The following CSMD3 variants were observed in gnomAD, a reference collection of about 807,000 sequenced individuals.
CSMD3 encodes CUB and sushi domain-containing protein 3.
In CSMD3, 177 loss-of-function variants were observed where a neutral mutation model predicts 435.2. The observed-to-expected ratio is 0.41, with a 90% CI of 0.36 to 0.46. The LOEUF (loss-of-function observed/expected upper bound fraction) is 0.46, where lower values mean the gene tolerates loss of function less well. CSMD3 is among the 20% of genes least tolerant of loss of function. CSMD3 has a pLI of 0.34. For synonymous variants in CSMD3, 1,656 were observed against 1,520.5 expected (o/e 1.09, Z -2.07); for missense variants, 4,265 against 4,504.6 (o/e 0.95, Z 1.52).
At chr8:112,827,358 G>C (rs1180228940) in intron 12 of CSMD3, among the ~76,000 whole-genome samples, 1 of 151,228 alleles carries the variant, frequency 6.6e-6, no homozygotes, top group Non-Finnish European at 1.5e-5. Flanking sequence ...TGCTGAGATG[G>C]AAGTTTTTTT....
chr8:112,424,143 T>C (rs1191019255), intron 32 of CSMD3, among the ~76,000 whole-genome samples: 2 of 152,092 alleles, frequency 1.3e-5, no homozygotes, highest in Non-Finnish European at 1.5e-5. Context: ...GGAGCTAAAA[T>C]AGCATCACCT....
chr8:112,854,893 A>G (rs2080603019), intron 11 of CSMD3, among the ~76,000 whole-genome samples: 1 of 152,108 alleles, frequency 6.6e-6, no homozygotes, highest in Non-Finnish European at 1.5e-5. Context: ...CTCCACACAG[A>G]GCAATCCAAT....
intron 32 of CSMD3, among the ~76,000 whole-genome samples, chr8:112,419,897 T>C (rs901672603): frequency 6.6e-6 from 1 of 152,116 alleles, no homozygotes; most frequent in African/African-American, 2.4e-5. Flanking sequence ...AAAAACACAA[T>C]AAGCGATTCC....
Position 113,034,549 on chromosome 8 carries a change from G to C in CSMD3, c.918-15370C>G, listed in dbSNP as rs1307002131. On this transcript the variant is annotated intron_variant, in intron 5 of 70. Coordinates refer to ENST00000297405, the MANE Select transcript of CSMD3 (RefSeq NM_198123.2). ...CTCCTGCTGTTGGTGGTGGAGATGGGGAGTTACTGCTAGTGAGTGTATGTT... is the reference window on the plus strand; with the variant it reads ...CTCCTGCTGTTGGTGGTGGAGATGGCGAGTTACTGCTAGTGAGTGTATGTT... 3.9e-5 allele frequency among the ~76,000 whole-genome samples: 6 copies of C among 152,220 alleles called. No homozygotes were observed. The East Asian group carries it at 7.7e-4, about 20-fold the overall frequency.
At chr8:112,526,972 T>G (rs1213269110) in intron 27 of CSMD3, among the ~76,000 whole-genome samples, 1 of 151,884 alleles carries the variant, frequency 6.6e-6, no homozygotes, top group African/African-American at 2.4e-5. Flanking sequence ...AGCAAATGCT[T>G]TCTTTCCTCC....
intron 1 of CSMD3, among the ~76,000 whole-genome samples, chr8:113,415,067 G>A (rs749692006): frequency 1.3e-5 from 2 of 152,024 alleles, no homozygotes; most frequent in Non-Finnish European, 2.9e-5. Context: ...TACGACTTTG[G>A]AAATTAAAAA....
At chr8:113,000,357 A>G (rs1318821951) in intron 6 of CSMD3, among the ~76,000 whole-genome samples, 1 of 152,146 alleles carries the variant, frequency 6.6e-6, no homozygotes, top group African/African-American at 2.4e-5. Flanking sequence ...ATTAATGTAA[A>G]GGAGAACAGA....
chr8:112,903,887 T>C (rs950039240), intron 10 of CSMD3, among the ~76,000 whole-genome samples: 13 of 151,396 alleles, frequency 8.6e-5, no homozygotes, highest in South Asian at 2.1e-4. Context: ...AACTTTCTAG[T>C]TGGATGTACA....
At chr8:112,518,229 AGT>A (rs1281335502) in intron 27 of CSMD3, among the ~76,000 whole-genome samples, 1 of 152,076 alleles carries the variant, frequency 6.6e-6, no homozygotes, top group Non-Finnish European at 1.5e-5. Context: ...GGCCAGGCAT[AGT>A]GGCTCACACC....
intron 7 of CSMD3, among the ~76,000 whole-genome samples, chr8:112,967,741 T>C (rs2084477426): frequency 6.6e-6 from 1 of 151,792 alleles, no homozygotes; most frequent in Admixed American, 6.6e-5. Context: ...TGAATATAAG[T>C]TCAATAAAGC....
In CSMD3 at chr8:113,008,942, T is replaced by A. The variant is rs1031241442; in HGVS notation, c.1030+10125A>T. On this transcript the variant is annotated intron_variant, in intron 6 of 70. Transcript: ENST00000297405. ...GCTATAAGTATAATGCCCTATAATTTCAAGACTTAATATGAAAAATAAAAT... is the reference window on the plus strand; with the variant it reads ...GCTATAAGTATAATGCCCTATAATTACAAGACTTAATATGAAAAATAAAAT... 6.6e-4 allele frequency among the ~76,000 whole-genome samples: 100 copies of A among 151,518 alleles called. 1 individual carries two copies. Among genetic ancestry groups the A allele is most frequent in the African/African-American group, 2.3e-3 (97 of 41,480 alleles).
chr8:112,380,517 A>C, intron 37 of CSMD3, 61 bp from the exon 38 acceptor site: 1 of 894,940 alleles, frequency 1.1e-6, no homozygotes, highest in Non-Finnish European at 1.9e-6. Flanking sequence ...AATAAAATTA[A>C]GTAAGTTTAC....
chr8:112,569,996 A>G (rs1202560595), intron 24 of CSMD3, among the ~76,000 whole-genome samples: 4 of 152,064 alleles, frequency 2.6e-5, no homozygotes, highest in Non-Finnish European at 4.4e-5. Flanking sequence ...TCTCTGTTAG[A>G]TATTTCAGAA....
chr8:112,551,537 C>G (rs1827686615), intron 26 of CSMD3, among the ~76,000 whole-genome samples: 1 of 151,988 alleles, frequency 6.6e-6, no homozygotes, highest in Admixed American at 6.6e-5. Flanking sequence ...ATCGTTACAG[C>G]TTTAAATTTA....
intron 6 of CSMD3, among the ~76,000 whole-genome samples, chr8:112,998,271 C>T (rs1419612303): frequency 6.6e-6 from 1 of 151,764 alleles, no homozygotes; most frequent in Non-Finnish European, 1.5e-5. Context: ...ATCCTTTTAT[C>T]AAAAACAAAC....
At chr8:113,346,796 T>C (rs2094154481) in intron 1 of CSMD3, among the ~76,000 whole-genome samples, 1 of 152,178 alleles carries the variant, frequency 6.6e-6, no homozygotes, top group Admixed American at 6.6e-5. Context: ...TTAATGATCT[T>C]ATGCCTTATG....
At chr8:113,231,768 TTAGA>T (rs1416433546) in intron 3 of CSMD3, among the ~76,000 whole-genome samples, 2 of 151,430 alleles carry the variant, frequency 1.3e-5, no homozygotes, top group African/African-American at 4.8e-5. Context: ...TCAAAAAATA[TTAGA>T]TAAATACCTT....
chr8:112,810,188 T>C (rs777255720), intron 12 of CSMD3, among the ~76,000 whole-genome samples: 3 of 152,180 alleles, frequency 2.0e-5, no homozygotes, highest in Non-Finnish European at 4.4e-5. Flanking sequence ...ATGATCTGCT[T>C]ATAAGTTCAA....
chr8:112,637,789 T>C (rs914485436), intron 21 of CSMD3, among the ~76,000 whole-genome samples: 1 of 152,104 alleles, frequency 6.6e-6, no homozygotes, highest in African/African-American at 2.4e-5. Flanking sequence ...AAAAAATTAC[T>C]TGGACTTTTT....
Sources: allele counts gnomAD v4.1 joint callset (sites outside exome capture counted in the v4.1 genomes callset), GRCh38; gene constraint gnomAD v4.1.1; transcripts MANE v1.5; gene names NCBI Gene and HGNC (gene_info 2026-07-23, HGNC 2026-07-21).